ARID2: variants seen among roughly 807,000 people sequenced by gnomAD.
ARID2 encodes AT-rich interaction domain 2.
ARID2 carries 32 observed loss-of-function variants against 184.6 expected under a neutral mutation model. The observed-to-expected ratio is 0.17, with a 90% confidence interval of 0.13 to 0.23. The LOEUF (loss-of-function observed/expected upper bound fraction) is 0.23, where lower values mean the gene tolerates loss of function less well. Among genes scored for constraint, ARID2 ranks in the 10% least tolerant of loss-of-function variants. ARID2 has a pLI of 1.00. For synonymous variants in ARID2, 836 were observed against 772.6 expected, an observed-to-expected ratio of 1.08 and a Z score of -1.36; for missense variants, 1,696 against 2,197.6, an observed-to-expected ratio of 0.77 and a Z score of 4.56.
At chr12:45,848,440 C>T (rs1943481916) in intron 12 of ARID2, among the ~76,000 whole-genome samples, 1 of 151,994 alleles carries the variant, frequency 6.6e-6, no homozygotes. Context: ...CAGTTTCCCC[C>T]CATTTTCTTC....
At position 45,760,532 on chromosome 12, in the gene ARID2, G is replaced by GT. The variant is rs555503415; in HGVS notation, c.284+29225dup. On this transcript the variant is annotated intron_variant, in intron 3 of 20. Transcript: ENST00000334344. Reference sequence around the variant, plus strand: ...TTTGTGTTTCTTTTGTGTTTTTTGTGTTTTTTTGTGTTTTTGCACACAGAT... The same window carrying GT: ...TTTGTGTTTCTTTTGTGTTTTTTGTGTTTTTTTTGTGTTTTTGCACACAGAT... Among the ~76,000 whole-genome samples the GT allele has an allele frequency of 4.1e-4, 62 of 151,450 alleles. No individual in the cohort carries two copies. The South Asian group carries it at 6.1e-3, about 15-fold the overall frequency.
intron 2 of ARID2, among the ~76,000 whole-genome samples, chr12:45,730,390 C>G (rs1940960104): frequency 6.9e-6 from 1 of 144,008 alleles, no homozygotes; most frequent in South Asian, 2.3e-4. Context: ...GCCCGGTGCC[C>G]GGTCGGGCCG....
chr12:45,823,940 C>T (rs1294995071), intron 6 of ARID2, among the ~76,000 whole-genome samples: 1 of 151,966 alleles, frequency 6.6e-6, no homozygotes, highest in African/African-American at 2.4e-5. Flanking sequence ...TCTTTGAGGC[C>T]AATACTACTC....
At position 45,836,986 on chromosome 12, in the gene ARID2, G is replaced by A. The variant is rs2138128689; in HGVS notation, c.1018G>A (p.Ala340Thr). 11 of 1,613,258 alleles carry A rather than the reference G, an allele frequency of 6.8e-6. No individual in the cohort carries two copies. The highest frequency in any genetic ancestry group is 9.3e-6 in the Non-Finnish European group (11 of 1,179,870). Residue 340 changes from alanine (A) to threonine (T), a missense_variant, in exon 8 of 21, where the codon GCT (alanine) becomes ACT (threonine). Physicochemically the swap from Ala to Thr is moderately conservative, Grantham distance 58 (BLOSUM62 0). This residue lies in a region of ARID2 where 86 missense variants were observed against 200.8 expected (regional missense o/e 0.43). Transcript: ENST00000334344. ...CCTTGACACATTAGGAAATATTGCA[G>A]CTGAGGTAAGCATGTGACTGTACCT... The part of the protein sequence containing the change: ...LGLDTLGNIA[A>T]ELLLDPVDFK...
chr12:45,738,777 TA>T (rs1941181118), intron 3 of ARID2, among the ~76,000 whole-genome samples: 1 of 125,396 alleles, frequency 8.0e-6, no homozygotes, highest in East Asian at 2.2e-4. Flanking sequence ...GCATATGGGC[TA>T]CTTTTTTTTT....
intron 3 of ARID2, among the ~76,000 whole-genome samples, chr12:45,758,604 CTGATA>C (rs1941614703): frequency 6.6e-6 from 1 of 152,146 alleles, no homozygotes; most frequent in Non-Finnish European, 1.5e-5. Context: ...TTGTTTCTCT[CTGATA>C]TAACAGTCCA....
chr12:45,838,800 T>TA (rs1943271073), intron 10 of ARID2, among the ~76,000 whole-genome samples: 1 of 151,350 alleles, frequency 6.6e-6, no homozygotes. Flanking sequence ...TAGATATAGA[T>TA]ATAGATATCC....
At chr12:45,845,190 T>G (rs1049950127) in intron 11 of ARID2, among the ~76,000 whole-genome samples, 1 of 152,198 alleles carries the variant, frequency 6.6e-6, no homozygotes, top group Non-Finnish European at 1.5e-5. Context: ...TGAAATTGAT[T>G]GCTAATTCAT....
intron 3 of ARID2, among the ~76,000 whole-genome samples, chr12:45,784,612 C>CGA (rs1438759980): frequency 6.6e-6 from 1 of 151,988 alleles, no homozygotes; most frequent in Non-Finnish European, 1.5e-5. Context: ...TGCACTGAGC[C>CGA]GAGATCGTGC....
At position 45,852,620 on chromosome 12, in the gene ARID2, A is replaced by T. The variant is rs377367131; in HGVS notation, c.4497A>T (p.Leu1499=). 1 of 1,614,070 alleles carries T rather than the reference A, an allele frequency of 6.2e-7. No homozygotes were observed. The highest frequency in any genetic ancestry group is 8.5e-7 in the Non-Finnish European group (1 of 1,180,022). Residue 1499 remains leucine (L), a synonymous_variant, in exon 15 of 21, where the codon CTA becomes CTT. Transcript: ENST00000334344. ...SGSKVSHSPA[L]SSDVRSTNGT... ...CAAAAGTATCCCATTCTCCTGCCCT[A>T]TCATCTGACGTTCGGTCTACAAATG...
In ARID2 at chr12:45,839,196, A is replaced by G. The variant is rs1943284981; in HGVS notation, c.1331-133A>G. On this transcript the variant is annotated intron_variant, in intron 10 of 20. Coordinates refer to ENST00000334344, the MANE Select transcript of ARID2 (RefSeq NM_152641.4). Reference sequence around the variant, plus strand: ...CTTTTTTTTTAAAGATGCACAGGTAATTCTGATGTACTGTGATTCATGGAC... The same window carrying G: ...CTTTTTTTTTAAAGATGCACAGGTAGTTCTGATGTACTGTGATTCATGGAC... 3.8e-5 allele frequency: 35 copies of G among 910,150 alleles called. No homozygotes were observed. In the South Asian group the frequency reaches 6.6e-4, roughly 17 times the overall value. 56.4% of individuals were successfully genotyped at this position (910,150 alleles called of 1,614,324 possible).
intron 20 of ARID2, among the ~76,000 whole-genome samples, chr12:45,897,320 T>C (rs1025105097): frequency 6.6e-6 from 1 of 152,206 alleles, no homozygotes; most frequent in African/African-American, 2.4e-5. Flanking sequence ...CTTTATAATA[T>C]TGGATTTGGC....
intron 5 of ARID2, among the ~76,000 whole-genome samples, chr12:45,818,711 T>C (rs1942849143): frequency 6.6e-6 from 1 of 152,136 alleles, no homozygotes; most frequent in Non-Finnish European, 1.5e-5. Flanking sequence ...TTATGACTTT[T>C]TGTTTTTATC....
chr12:45,790,946 G>A (rs544219573), intron 3 of ARID2, among the ~76,000 whole-genome samples: 5 of 152,034 alleles, frequency 3.3e-5, no homozygotes, highest in African/African-American at 9.7e-5. Context: ...GTCAGTGGAC[G>A]CTTGGGCTAC....
At chr12:45,845,896 A>T (rs1315251484) in intron 11 of ARID2, 1 of 152,228 alleles carries the variant, frequency 6.6e-6, no homozygotes, top group African/African-American at 2.4e-5. Context: ...ATGCTGATCA[A>T]TAGTGAAAAA....
chr12:45,840,760 C>T (rs1033897300), intron 11 of ARID2: 2 of 152,130 alleles, frequency 1.3e-5, no homozygotes, highest in South Asian at 2.1e-4. Flanking sequence ...GTCTTCTACT[C>T]CAACTTGTAG....
At chr12:45,752,461 T>C (rs1941481852) in intron 3 of ARID2, among the ~76,000 whole-genome samples, 1 of 152,230 alleles carries the variant, frequency 6.6e-6, no homozygotes, top group African/African-American at 2.4e-5. Flanking sequence ...TTCAATGATT[T>C]ATGTTTAGTT....
chr12:45,858,932 G>A (rs1943698022), intron 15 of ARID2, among the ~76,000 whole-genome samples: 1 of 152,162 alleles, frequency 6.6e-6, no homozygotes, highest in Non-Finnish European at 1.5e-5. Context: ...TTCCCTCAGA[G>A]CTTAGAACTC....
intron 3 of ARID2, among the ~76,000 whole-genome samples, chr12:45,732,969 A>C (rs1176898169): frequency 2.6e-5 from 4 of 152,230 alleles, no homozygotes; most frequent in Non-Finnish European, 5.9e-5. Context: ...GGATATCATT[A>C]ATTATAGGTA....
Sources: gnomAD v4.1 joint callset for allele counts (sites outside exome capture counted in the v4.1 genomes callset) on GRCh38, gnomAD v4.1.1 for gene constraint, gnomAD v4.1.1 regional missense constraint, MANE v1.5 for transcripts, NCBI Gene and HGNC (gene_info 2026-07-23, HGNC 2026-07-21) for gene names.